Variants in PLK2 observed in about 807,000 individuals in gnomAD.
PLK2 encodes the protein serine/threonine-protein kinase PLK2.
PLK2 carries 25 observed loss-of-function variants against 78.1 expected under a neutral mutation model. The observed-to-expected ratio is 0.32, with a 90% CI of 0.23 to 0.45. The LOEUF is 0.45. Among genes scored for constraint, PLK2 ranks in the 20% least tolerant of loss-of-function variants. The pLI is 1.00. For synonymous variants in PLK2, 332 were observed against 298.2 expected, an observed-to-expected ratio of 1.11 and a Z score of -1.17; for missense variants, 566 against 840.2, an observed-to-expected ratio of 0.67 and a Z score of 4.04.
At position 58,454,546 on chromosome 5, in the gene PLK2, A is replaced by G. The variant is rs778541114; in HGVS notation, c.*37T>C. ...GGCTTCCCTGTAGATCTCACAGTGG[A>G]AAAGAGGAGTCCCATAGGGTCCATT... On this transcript the variant is annotated 3_prime_UTR_variant, in exon 14 of 14. Transcript: ENST00000274289. 7.2e-7 allele frequency: 1 copy of G among 1,394,240 alleles called. No homozygotes were observed. The highest frequency in any genetic ancestry group is 1.3e-5 in the South Asian group (1 of 78,356). 86.4% of individuals were successfully genotyped at this position (1,394,240 alleles called of 1,614,324 possible).
At position 58,457,555 on chromosome 5, in the gene PLK2, A is replaced by G; in HGVS notation, c.742T>C (p.Ser248Pro). 1 of 1,612,014 alleles carries G rather than the reference A, an allele frequency of 6.2e-7. No homozygotes were observed. Among genetic ancestry groups the G allele is most frequent in the Non-Finnish European group, 8.5e-7 (1 of 1,178,060 alleles). Residue 248 changes from serine (S) to proline (P), a missense_variant, in exon 6 of 14, where the codon TCT becomes CCT. By Grantham distance (74) the Ser-to-Pro change is moderately conservative. Coordinates refer to ENST00000274289, the MANE Select transcript of PLK2 (RefSeq NM_006622.4). Reference protein sequence around the residue: ...RTICGTPNYLSPEVLNKQGHG... With the variant: ...RTICGTPNYLPPEVLNKQGHG... ...CCTTGTTTGTTGAGGACTTCAGGAG[A>G]GAGATAATTTGGGGTACCACATATC...
At chr5:58,455,915 T>C in intron 10 of PLK2, 111 bp downstream of exon 10, 2 of 1,471,142 alleles carry the variant, frequency 1.4e-6, no homozygotes, top group Non-Finnish European at 1.8e-6. Context: ...TCCTGTAATC[T>C]TACTACTTCT....
At chr5:58,455,213 C>T in intron 12 of PLK2, 72 bp downstream of exon 12, 1 of 1,537,292 alleles carries the variant, frequency 6.5e-7, no homozygotes, top group African/African-American at 1.4e-5. Flanking sequence ...TAACAAGCTT[C>T]AAAGTGATGC....
Position 58,455,732 on chromosome 5 carries a change from C to T in PLK2, c.1432G>A (p.Val478Ile), listed in dbSNP as rs1208521457. Residue 478 changes from valine (V) to isoleucine (I), a missense_variant, in exon 11 of 14, where the codon GTT becomes ATT. Physicochemically the swap from Val to Ile is conservative, Grantham distance 29. Coordinates refer to ENST00000274289, the MANE Select transcript of PLK2 (RefSeq NM_006622.4). ...ATGTTTTCCAGACATCCCCGAAGAA[C>T]CCTTGCCACTGTGTCTGCAACACTT... ...MGSVADTVAR[V>I]LRGCLENMPE... 1 of 1,614,104 alleles carries T rather than the reference C, an allele frequency of 6.2e-7. No individual in the cohort carries two copies.
chr5:58,457,645 T>G, intron 5 of PLK2, 62 bp from the exon 6 acceptor site: 1 of 899,338 alleles, frequency 1.1e-6, no homozygotes, highest in Non-Finnish European at 1.9e-6. Context: ...CTTGGTTCTC[T>G]TGACATGACT....
Position 58,456,095 on chromosome 5 carries a change from G to T in PLK2, c.1315C>A (p.Gln439Lys), listed in dbSNP as rs1461015704. ...RSGTPAVENKQQIGDAIRMIV... is the reference protein window; with the variant it reads ...RSGTPAVENKKQIGDAIRMIV... ...ATCCGAATAGCATCCCCAATCTGCT[G>T]CTTGTTTTCTACTGCGGGTGTTCCA... The change falls in exon 10 of 14, where the codon CAG becomes AAG. Residue 439 changes from glutamine to lysine, a missense_variant. By Grantham distance (53) the Gln-to-Lys change is moderately conservative (BLOSUM62 1). Transcript: ENST00000274289. The T allele has an allele frequency of 2.5e-6, 4 of 1,613,996 alleles. No homozygotes were observed. In the South Asian group the frequency reaches 3.3e-5, roughly 13 times the overall value.
In PLK2 at chr5:58,460,058, T is replaced by C. The variant is rs1203944151; in HGVS notation, c.-99A>G. 2 of 1,378,492 alleles carry C rather than the reference T, an allele frequency of 1.5e-6. No homozygotes were observed. The highest frequency in any genetic ancestry group is 4.7e-5 in the East Asian group (2 of 42,780). The allele number at this position is 1,378,492 out of a possible 1,614,324, so 85.4% of individuals were successfully genotyped here. ...TCGCACCCTTGCCTCTGGTGCCGAC[T>C]AGCACCCAACACCCCGGTCCACTTG... On this transcript the variant is annotated 5_prime_UTR_variant, in exon 1 of 14. Coordinates refer to ENST00000274289, the MANE Select transcript of PLK2 (RefSeq NM_006622.4).
rs760598223 is a variant in PLK2, at chr5:58,455,387, G to A, written c.1653C>T (p.Gly551=). Reference sequence around the variant, plus strand: ...CTGTTGCTGGGAAAACTGAGCATTGGCCAAGCTCTGCGTAATAGTGAACTG... The same window carrying A: ...CTGTTGCTGGGAAAACTGAGCATTGACCAAGCTCTGCGTAATAGTGAACTG... ...KKTVHYYAEL[G]QCSVFPATDA... Residue 551 remains glycine (G), a synonymous_variant, in exon 12 of 14, where the codon GGC becomes GGT. Transcript: ENST00000274289. 1 of 1,614,040 alleles carries A rather than the reference G, an allele frequency of 6.2e-7. No homozygotes were observed. Among genetic ancestry groups the A allele is most frequent in the Non-Finnish European group, 8.5e-7 (1 of 1,179,940 alleles).
intron 4 of PLK2, 109 bp downstream of exon 4, chr5:58,458,290 C>G (rs1232716395): frequency 3.6e-6 from 5 of 1,384,250 alleles, no homozygotes; most frequent in Admixed American, 3.4e-5. Flanking sequence ...CATTCAAAAG[C>G]AAGATTGCAG....
At chr5:58,454,885 T>C (rs1269321240) in intron 13 of PLK2, 26 bp downstream of exon 13, 2 of 1,505,686 alleles carry the variant, frequency 1.3e-6, no homozygotes, top group East Asian at 4.5e-5. Context: ...GACCTAAACG[T>C]GCACTTTCCT....
chr5:58,459,591 C>G (rs550976673), intron 1 of PLK2, 99 bp downstream of exon 1: 1 of 1,105,492 alleles, frequency 9.0e-7, no homozygotes, highest in African/African-American at 1.6e-5. Flanking sequence ...CCGAAAAACC[C>G]GGAAGCGGCG....
intron 1 of PLK2, 32 bp from the exon 2 acceptor site, chr5:58,459,124 G>T: frequency 8.9e-7 from 1 of 1,129,328 alleles, no homozygotes; most frequent in Non-Finnish European, 1.4e-6. Context: ...ACGGAATTGA[G>T]GATGGCACAA....
At position 58,459,756 on chromosome 5, in the gene PLK2, C is replaced by A. The variant is rs372211010; in HGVS notation, c.204G>T (p.Glu68Asp). Residue 68 changes from glutamate to aspartate, a missense_variant, in exon 1 of 14, where the codon GAG becomes GAT. Glu to Asp is a conservative substitution (Grantham distance 45). Coordinates refer to ENST00000274289, the MANE Select transcript of PLK2 (RefSeq NM_006622.4). ...HHHHHSHSGP[E>D]ISRIIVDPTT... The stretch of plus-strand genomic sequence containing the variant: ...TGGGGTCGACGATAATCCGCGAGAT[C>A]TCCGGCCCCGAGTGCGAATGGTGGT... The A allele has an allele frequency of 6.8e-6, 11 of 1,607,344 alleles. No individual in the cohort carries two copies. In the African/African-American group the frequency reaches 8.0e-5, roughly 12 times the overall value.
chr5:58,456,465 T>A, intron 9 of PLK2, 27 bp downstream of exon 9: 1 of 1,282,886 alleles, frequency 7.8e-7, no homozygotes, highest in Non-Finnish European at 1.1e-6. Flanking sequence ...AAAGCGTGAG[T>A]ATCTACTTTA....
At chr5:58,457,797 T>C in intron 5 of PLK2, 1 of 592,730 alleles carries the variant, frequency 1.7e-6, no homozygotes, top group East Asian at 2.8e-5. Context: ...ACACACGTTG[T>C]TTTAGCCCAC....
intron 5 of PLK2, 25 bp from the exon 6 acceptor site, chr5:58,457,608 G>A (rs371633146): frequency 2.6e-5 from 36 of 1,372,112 alleles, no homozygotes; most frequent in South Asian, 1.2e-4. Flanking sequence ...TATTGAGATC[G>A]TGTTAGGAAC....
intron 1 of PLK2, 47 bp downstream of exon 1, chr5:58,459,643 G>T: frequency 1.3e-6 from 2 of 1,494,446 alleles, no homozygotes; most frequent in South Asian, 1.3e-5. Context: ...GGGTCGCCCG[G>T]ACAGACCTCC....
chr5:58,457,252 T>C lies in PLK2; in HGVS notation c.937A>G (p.Ser313Gly), dbSNP rs1579964849. 1.2e-6 allele frequency: 2 copies of C among 1,614,108 alleles called. No homozygotes were observed. The highest frequency in any genetic ancestry group is 1.7e-6 in the Non-Finnish European group (2 of 1,179,970). ...TCCTCTGGGTTTTTGGACAACATACTAGCAATTAAGTGCTTGGCAGGAGCC... is the reference window on the plus strand; with the variant it reads ...TCCTCTGGGTTTTTGGACAACATACCAGCAATTAAGTGCTTGGCAGGAGCC... ...LLAPAKHLIASMLSKNPEDRP... is the reference protein window; with the variant it reads ...LLAPAKHLIAGMLSKNPEDRP... The change falls in exon 7 of 14, where the codon AGT becomes GGT. Residue 313 changes from serine to glycine, a missense_variant. Coordinates refer to ENST00000274289, the MANE Select transcript of PLK2 (RefSeq NM_006622.4).
In PLK2 at chr5:58,454,672, G is replaced by A. The variant is rs1158369515; in HGVS notation, c.1969C>T (p.Leu657=). Residue 657 remains leucine, a synonymous_variant, in exon 14 of 14, where the codon CTG becomes TTG. Coordinates refer to ENST00000274289, the MANE Select transcript of PLK2 (RefSeq NM_006622.4). ...CAGCCAGACATCAGCAGAGTTGTCA[G>A]CCTGAAAGTTGTAGATATCCTATCC... The part of the protein sequence containing the change: ...NEDRISTTFR[L]TTLLMSGCSS... 8.7e-6 allele frequency: 14 copies of A among 1,613,480 alleles called. No individual in the cohort carries two copies. Among genetic ancestry groups the A allele is most frequent in the African/African-American group, 1.3e-5 (1 of 74,906 alleles).
Sources: allele counts gnomAD v4.1 joint callset, GRCh38; gene constraint gnomAD v4.1.1; transcripts MANE v1.5; gene names NCBI Gene and HGNC (gene_info 2026-07-23, HGNC 2026-07-21).